ARHGEF3: variants seen among roughly 807,000 people sequenced by gnomAD.
ARHGEF3 encodes the protein Rho guanine nucleotide exchange factor 3, also known as 59.8 kDA protein.
Under a neutral mutation model 63.2 loss-of-function variants are expected in ARHGEF3, and 28 were observed. The ratio of observed to expected loss-of-function variants is 0.44; its 90% CI spans 0.33 to 0.61. The LOEUF (loss-of-function observed/expected upper bound fraction) is 0.61, where lower values mean the gene tolerates loss of function less well. Ranked by LOEUF, ARHGEF3 falls within the 20% of genes least tolerant of loss-of-function variation. ARHGEF3 has a pLI of 0.03. For synonymous variants in ARHGEF3, 266 were observed against 254.2 expected (o/e 1.05, Z -0.44); for missense variants, 533 against 659.3 (o/e 0.81, Z 2.10).
chr3:56,729,314 C>CT lies in ARHGEF3; in HGVS notation c.1536dup (p.Asp513ArgfsTer11). On this transcript the variant is annotated frameshift_variant, in exon 10 of 10. Coordinates refer to ENST00000296315, the MANE Select transcript of ARHGEF3 (RefSeq NM_019555.3). LOFTEE classifies it high-confidence loss of function. ...TGCCTGCTGTTTCCACAGGAAGAGTCTGTCTGTTCCATGCGCTCACAGTCG... is the reference window on the plus strand; with the variant it reads ...TGCCTGCTGTTTCCACAGGAAGAGTCTTGTCTGTTCCATGCGCTCACAGTCG... 1 of 1,614,092 alleles carries CT rather than the reference C, an allele frequency of 6.2e-7. No homozygotes were observed. The highest frequency in any genetic ancestry group is 8.5e-7 in the Non-Finnish European group (1 of 1,179,984).
intron 1 of ARHGEF3, among the ~76,000 whole-genome samples, chr3:57,062,716 ACAC>A (rs908276569): frequency 1.3e-5 from 2 of 152,300 alleles, no homozygotes; most frequent in East Asian, 1.9e-4. Flanking sequence ...ACACACACAC[ACAC>A]AACAAACATG....
At chr3:56,988,010 A>C (rs1228954410) in intron 2 of ARHGEF3, among the ~76,000 whole-genome samples, 1 of 152,194 alleles carries the variant, frequency 6.6e-6, no homozygotes, top group African/African-American at 2.4e-5. Flanking sequence ...CTGAGGGGTC[A>C]ACCTGGCTCC....
intron 1 of ARHGEF3, among the ~76,000 whole-genome samples, chr3:56,798,991 C>A (rs535970840): frequency 2.8e-4 from 42 of 152,216 alleles, no homozygotes; most frequent in Non-Finnish European, 5.6e-4. Flanking sequence ...ATATTATAAT[C>A]CCTGTAGAAT....
intron 2 of ARHGEF3, among the ~76,000 whole-genome samples, chr3:56,985,135 G>A (rs972132147): frequency 2.6e-5 from 4 of 152,186 alleles, no homozygotes; most frequent in African/African-American, 7.2e-5. Context: ...TCGCCCAGGC[G>A]GGGAATGCAA....
At chr3:57,023,614 C>T (rs560128836) in intron 2 of ARHGEF3, among the ~76,000 whole-genome samples, 19 of 152,324 alleles carry the variant, frequency 1.2e-4, no homozygotes, top group African/African-American at 4.6e-4. Context: ...AGAGGACTCC[C>T]AGGCCCCTGC....
At chr3:56,994,047 A>ACT (rs149520168) in intron 2 of ARHGEF3, among the ~76,000 whole-genome samples, 27,296 of 129,386 alleles carry the variant, frequency 0.21, 3,176 homozygotes, top group Admixed American at 0.28. Flanking sequence ...CTGGGCGACA[A>ACT]GAGTGAAACT....
At chr3:56,982,992 T>A (rs1701384987) in intron 2 of ARHGEF3, among the ~76,000 whole-genome samples, 1 of 152,114 alleles carries the variant, frequency 6.6e-6, no homozygotes, top group African/African-American at 2.4e-5. Flanking sequence ...TGCTTACAAA[T>A]AAATATCATA....
Position 56,951,372 on chromosome 3 carries a change from A to G in ARHGEF3, c.129+7451T>C, listed in dbSNP as rs373164150. 8.5e-5 allele frequency among the ~76,000 whole-genome samples: 13 copies of G among 152,110 alleles called. No homozygotes were observed. In the East Asian group the frequency reaches 2.5e-3, roughly 29 times the overall value. On this transcript the variant is annotated intron_variant, in intron 3 of 12. Transcript: ENST00000338458. ...CCCTGATCCATCAGCAGCCATCATC[A>G]TTGAGGCAAGATGATCATTAGCATT... is the stretch of plus-strand genomic sequence containing the variant.
rs1266087662 is a variant in ARHGEF3 at position 56,873,590 on chromosome 3, T to G, written c.192+8702A>C. On this transcript the variant is annotated intron_variant, in intron 4 of 12. Transcript: ENST00000338458. Reference sequence around the variant, plus strand: ...TTTTTAATGGCTACATAAATTATTTTGTAGAGACGAGGTCTCACTATATTG... The same window carrying G: ...TTTTTAATGGCTACATAAATTATTTGGTAGAGACGAGGTCTCACTATATTG... 3.3e-5 allele frequency among the ~76,000 whole-genome samples: 5 copies of G among 152,174 alleles called. No homozygotes were observed. The East Asian group carries it at 9.6e-4, about 29-fold the overall frequency.
chr3:57,066,342 A>T (rs1476431590), intron 1 of ARHGEF3, among the ~76,000 whole-genome samples: 3 of 151,584 alleles, frequency 2.0e-5, no homozygotes, highest in Non-Finnish European at 4.4e-5. Context: ...GCTCACCGCA[A>T]CCTCCGCCTC....
At chr3:56,971,374 C>T (rs1700904155) in intron 2 of ARHGEF3, among the ~76,000 whole-genome samples, 3 of 152,198 alleles carry the variant, frequency 2.0e-5, no homozygotes, top group South Asian at 2.1e-4. Flanking sequence ...TCTCTCAGGC[C>T]GTGCTGGATC....
intron 3 of ARHGEF3, among the ~76,000 whole-genome samples, chr3:56,895,249 C>A (rs542567767): frequency 6.6e-6 from 1 of 152,156 alleles, no homozygotes; most frequent in Non-Finnish European, 1.5e-5. Flanking sequence ...AGATTCTCTA[C>A]GGACTATCGC....
At chr3:56,870,765 T>C (rs114785089) in intron 4 of ARHGEF3, among the ~76,000 whole-genome samples, 51 of 147,334 alleles carry the variant, frequency 3.5e-4, no homozygotes, top group African/African-American at 1.2e-3. Flanking sequence ...CTAATTTTGC[T>C]GTGAATCTAA....
intron 3 of ARHGEF3, among the ~76,000 whole-genome samples, chr3:56,938,028 T>A (rs1338312958): frequency 1.3e-5 from 2 of 152,230 alleles, no homozygotes; most frequent in African/African-American, 4.8e-5. Context: ...AGTATTCTGC[T>A]GTATAAGAAT....
Position 56,729,387 on chromosome 3 carries a change from T to C in ARHGEF3, c.1464A>G (p.Gln488=), listed in dbSNP as rs1273478770. The C allele has an allele frequency of 1.9e-6, 3 of 1,614,122 alleles. No individual in the cohort carries two copies. The highest frequency in any genetic ancestry group is 2.2e-5 in the South Asian group (2 of 91,068). The change falls in exon 10 of 10, where the codon CAA becomes CAG. Residue 488 remains glutamine (Q), a synonymous_variant. Transcript: ENST00000296315. Reference sequence around the variant, plus strand: ...TACTACAGTCTGACTCACTGTCCGATTGGTCCATCTGCTCAAGTTTTGTTT... The same window carrying C: ...TACTACAGTCTGACTCACTGTCCGACTGGTCCATCTGCTCAAGTTTTGTTT... ...QGETKLEQMD[Q]SDSESDCSMD... is the part of the protein sequence containing the mutation.
At chr3:57,015,064 T>C (rs1702930775) in intron 2 of ARHGEF3, among the ~76,000 whole-genome samples, 1 of 152,104 alleles carries the variant, frequency 6.6e-6, no homozygotes, top group Non-Finnish European at 1.5e-5. Context: ...ATTAATTGTC[T>C]AAACCAGAGG....
chr3:56,984,757 C>A (rs956139006), intron 2 of ARHGEF3, among the ~76,000 whole-genome samples: 2 of 152,024 alleles, frequency 1.3e-5, no homozygotes, highest in African/African-American at 4.8e-5. Flanking sequence ...ACACCAAGGG[C>A]CTACAGAGGA....
chr3:57,074,338 C>G, intron 1 of ARHGEF3: 3 of 1,326,116 alleles, frequency 2.3e-6, no homozygotes, highest in Non-Finnish European at 3.2e-6. Context: ...GCTATGCCCT[C>G]CCTTCCATCC....
At chr3:56,900,637 C>T (rs1379434416) in intron 3 of ARHGEF3, among the ~76,000 whole-genome samples, 1 of 152,178 alleles carries the variant, frequency 6.6e-6, no homozygotes, top group African/African-American at 2.4e-5. Flanking sequence ...CTCAAAACAA[C>T]ACCACCACCA....
Sources: gnomAD v4.1 joint callset for allele counts (sites outside exome capture counted in the v4.1 genomes callset) on GRCh38, gnomAD v4.1.1 for gene constraint, MANE v1.5 for transcripts, NCBI Gene and HGNC (gene_info 2026-07-23, HGNC 2026-07-21) for gene names.